The following SRGAP3 variants were observed in gnomAD, a reference collection of about 807,000 sequenced individuals.
SRGAP3 encodes the protein SLIT-ROBO Rho GTPase-activating protein 3.
A neutral mutation model predicts 121.1 loss-of-function variants in SRGAP3; 39 were observed. The observed-to-expected ratio is 0.32, with a 90% CI of 0.25 to 0.42. The LOEUF (loss-of-function observed/expected upper bound fraction) is 0.42, where lower values mean the gene tolerates loss of function less well. Among genes scored for constraint, SRGAP3 ranks in the 10% least tolerant of loss-of-function variants. The pLI is 1.00. For synonymous variants in SRGAP3, 601 were observed against 570.0 expected (o/e 1.05, Z -0.77); for missense variants, 1,213 against 1,470.6 (o/e 0.82, Z 2.86).
chr3:9,220,370 A>G (rs1392466519), intron 1 of SRGAP3, among the ~76,000 whole-genome samples: 2 of 152,176 alleles, frequency 1.3e-5, no homozygotes, highest in African/African-American at 4.8e-5. Flanking sequence ...GATCATTCGA[A>G]GTCCTGCATG....
At chr3:9,193,236 C>T (rs896699510) in intron 1 of SRGAP3, 7 of 152,308 alleles carry the variant, frequency 4.6e-5, no homozygotes, top group African/African-American at 1.7e-4. Flanking sequence ...GGTTCTGACC[C>T]CCAAGCCCAG....
intron 3 of SRGAP3, among the ~76,000 whole-genome samples, chr3:9,081,709 C>T (rs970745220): frequency 6.6e-6 from 1 of 152,182 alleles, no homozygotes; most frequent in Non-Finnish European, 1.5e-5. Flanking sequence ...AAGTGGCTTT[C>T]ATGATATTTA....
chr3:9,033,257 C>T (rs1443280011), intron 11 of SRGAP3, among the ~76,000 whole-genome samples: 3 of 152,204 alleles, frequency 2.0e-5, no homozygotes, highest in Admixed American at 1.3e-4. Context: ...CTTGACTGAT[C>T]TTTACTTCAT....
chr3:9,343,159 T>C (rs1955823156), intron 1 of SRGAP3, among the ~76,000 whole-genome samples: 1 of 152,260 alleles, frequency 6.6e-6, no homozygotes, highest in Non-Finnish European at 1.5e-5. Context: ...CTCAACTGTA[T>C]GTCCATTAAC....
intron 3 of SRGAP3, chr3:9,292,569 AG>A (rs1954887700): frequency 6.6e-6 from 1 of 152,230 alleles, no homozygotes; most frequent in African/African-American, 2.4e-5. Flanking sequence ...ATCAAATAAA[AG>A]ACATTTATCA....
At chr3:9,108,650 G>T (rs1188709116) in intron 2 of SRGAP3, among the ~76,000 whole-genome samples, 1 of 152,142 alleles carries the variant, frequency 6.6e-6, no homozygotes, top group East Asian at 1.9e-4. Flanking sequence ...ATGGGCAGTG[G>T]GGAGTCATGG....
At chr3:9,293,213 C>A (rs2125271259) in intron 3 of SRGAP3, 1 of 152,188 alleles carries the variant, frequency 6.6e-6, no homozygotes, top group South Asian at 2.1e-4. Context: ...GAAAATGAGT[C>A]AACAAAACAA....
intron 1 of SRGAP3, among the ~76,000 whole-genome samples, chr3:9,332,580 T>C (rs140007447): frequency 3.3e-4 from 51 of 152,366 alleles, no homozygotes; most frequent in Admixed American, 9.2e-4. Flanking sequence ...GATGAGACAG[T>C]GCAGAAGATT....
intron 5 of SRGAP3, among the ~76,000 whole-genome samples, chr3:9,062,519 A>G (rs1398010578): frequency 6.6e-6 from 1 of 152,198 alleles, no homozygotes; most frequent in Non-Finnish European, 1.5e-5. Flanking sequence ...ACCCATTCAC[A>G]GTCACTCCCC....
intron 3 of SRGAP3, among the ~76,000 whole-genome samples, chr3:9,266,969 T>A (rs1486755938): frequency 6.6e-6 from 1 of 152,196 alleles, no homozygotes; most frequent in Non-Finnish European, 1.5e-5. Context: ...GAGAACCAAG[T>A]CAGTGTTAGG....
intron 21 of SRGAP3, among the ~76,000 whole-genome samples, chr3:8,989,656 A>C (rs2648331): frequency 0.098 from 14,881 of 152,176 alleles, 759 homozygotes; most frequent in East Asian, 0.13. Flanking sequence ...AAAAATGGAA[A>C]CTTCTCAAAA....
intron 1 of SRGAP3, among the ~76,000 whole-genome samples, chr3:9,332,556 A>G (rs545016854): frequency 6.6e-6 from 1 of 152,354 alleles, no homozygotes; most frequent in Admixed American, 6.5e-5. Context: ...ACTATGTGCA[A>G]CTGAACAGAT....
At chr3:9,139,432 C>G (rs1949774193) in intron 1 of SRGAP3, among the ~76,000 whole-genome samples, 1 of 152,164 alleles carries the variant, frequency 6.6e-6, no homozygotes, top group African/African-American at 2.4e-5. Flanking sequence ...GAAGATTTGT[C>G]ACAGAAGAGG....
intron 1 of SRGAP3, among the ~76,000 whole-genome samples, chr3:9,244,237 T>C (rs1261884647): frequency 1.3e-5 from 2 of 152,200 alleles, no homozygotes; most frequent in African/African-American, 2.4e-5. Flanking sequence ...AGAAAACTCT[T>C]AGAAAGCAAA....
At chr3:9,050,941 A>T (rs1288450869) in intron 9 of SRGAP3, among the ~76,000 whole-genome samples, 1 of 147,958 alleles carries the variant, frequency 6.8e-6, no homozygotes, top group Non-Finnish European at 1.5e-5. Flanking sequence ...CAGTTATAAG[A>T]TGGAGGTGGA....
chr3:9,010,365 C>T lies in SRGAP3; in HGVS notation c.2170G>A (p.Gly724Arg), dbSNP rs952618314. ...EYCDSPHSEP[G>R]AIDEVDHDNG... is the part of the protein sequence containing the mutation. ...TCATGGTCAACTTCATCGATGGCCC[C>T]TGGCTCGCTGTGTGGGCTGTCACTG... The change falls in exon 18 of 22, where the codon GGG becomes AGG. Residue 724 changes from glycine (G) to arginine (R), a missense_variant. Gly to Arg is a moderately radical substitution (Grantham distance 125). Coordinates refer to ENST00000383836, the MANE Select transcript of SRGAP3 (RefSeq NM_014850.4). The T allele has an allele frequency of 6.2e-7, 1 of 1,614,104 alleles. No homozygotes were observed.
chr3:9,012,913 C>T (rs983130806), intron 17 of SRGAP3, among the ~76,000 whole-genome samples: 8 of 152,186 alleles, frequency 5.3e-5, no homozygotes, highest in Middle Eastern at 3.4e-3. Flanking sequence ...TGCCTGCTTG[C>T]GACCACCAAG....
rs112337920 is a variant in SRGAP3 at position 9,260,156 on chromosome 3, C to T, written n.442+65854G>A. ...TTTTCCCATTGTCTTCGCAACCCAC[C>T]GACCAGGAGATTCCCTCGGGTGCCT... On this transcript the variant is annotated intron_variant and non_coding_transcript_variant, in intron 3 of 3. Coordinates refer to the SRGAP3 transcript ENST00000490889. Among the ~76,000 whole-genome samples, 975 of 152,258 alleles carry T rather than the reference C, an allele frequency of 6.4e-3. 6 individuals are homozygous for T. The highest frequency in any genetic ancestry group is 0.022 in the African/African-American group (919 of 41,540).
At chr3:9,115,935 C>G (rs124760) in intron 2 of SRGAP3, among the ~76,000 whole-genome samples, 36,407 of 152,114 alleles carry the variant, frequency 0.24, 4,846 homozygotes, top group African/African-American at 0.36. Flanking sequence ...GAGGTCTGTT[C>G]TCTATTTGCT....
Sources: gnomAD v4.1 joint callset for allele counts (sites outside exome capture counted in the v4.1 genomes callset) on GRCh38, gnomAD v4.1.1 for gene constraint, MANE v1.5 for transcripts, NCBI Gene and HGNC (gene_info 2026-07-23, HGNC 2026-07-21) for gene names.